The following RIT2 variants were observed in gnomAD, a reference collection of about 807,000 sequenced individuals.
The protein encoded by RIT2 is GTP-binding protein Rit2.
Under a neutral mutation model 23.7 loss-of-function variants are expected in RIT2, and 24 were observed. The ratio of observed to expected loss-of-function variants is 1.01; its 90% CI spans 0.73 to 1.43. RIT2 has a LOEUF of 1.43. RIT2 is among the 40% of genes most tolerant of loss of function. The probability of loss-of-function intolerance (pLI) is 0.00; values close to 1 mark genes in which losing one functional copy is unlikely to be tolerated. For missense variants in RIT2, 236 were observed against 266.9 expected, an observed-to-expected ratio of 0.88 and a Z score of 0.81; for synonymous variants, 107 against 91.1, an observed-to-expected ratio of 1.17 and a Z score of -0.99.
In RIT2 at chr18:42,933,071, T is replaced by C. The variant is rs575050878; in HGVS notation, c.235-9308A>G. Reference sequence around the variant, plus strand: ...GTGTTTAACACTTATGTTGCACTTATATTGCTTGGTAGATTTTTAACATTA... The same window carrying C: ...GTGTTTAACACTTATGTTGCACTTACATTGCTTGGTAGATTTTTAACATTA... On this transcript the variant is annotated intron_variant, in intron 3 of 4. Transcript: ENST00000326695. 2.2e-4 allele frequency among the ~76,000 whole-genome samples: 34 copies of C among 152,288 alleles called. 1 individual carries two copies. The South Asian group carries it at 6.0e-3, about 27-fold the overall frequency.
intron 4 of RIT2, among the ~76,000 whole-genome samples, chr18:42,806,730 G>A (rs1360238714): frequency 6.6e-6 from 1 of 152,204 alleles, no homozygotes; most frequent in Non-Finnish European, 1.5e-5. Context: ...CACTTTGAGT[G>A]TAACTATTCT....
chr18:42,790,620 G>A (rs962547501), intron 4 of RIT2, among the ~76,000 whole-genome samples: 2 of 152,028 alleles, frequency 1.3e-5, no homozygotes, highest in South Asian at 2.1e-4. Flanking sequence ...GTAGAGATGG[G>A]GTTTCACCAT....
At chr18:42,831,010 C>A (rs530272530) in intron 4 of RIT2, among the ~76,000 whole-genome samples, 1 of 152,132 alleles carries the variant, frequency 6.6e-6, no homozygotes, top group Non-Finnish European at 1.5e-5. Flanking sequence ...ACTGAAAGTG[C>A]TTTTTCTTAT....
intron 4 of RIT2, among the ~76,000 whole-genome samples, chr18:42,862,920 A>G (rs1050268990): frequency 1.3e-5 from 2 of 152,166 alleles, no homozygotes; most frequent in African/African-American, 4.8e-5. Flanking sequence ...ACTGTTGCCT[A>G]TGATTAGGTA....
At chr18:42,829,680 A>G (rs1478226724) in intron 4 of RIT2, among the ~76,000 whole-genome samples, 1 of 152,196 alleles carries the variant, frequency 6.6e-6, no homozygotes, top group African/African-American at 2.4e-5. Context: ...ATCAAACTCA[A>G]AGAAACTTAA....
chr18:43,064,271 T>C (rs1012975209), intron 1 of RIT2, among the ~76,000 whole-genome samples: 1 of 152,156 alleles, frequency 6.6e-6, no homozygotes, highest in Non-Finnish European at 1.5e-5. Context: ...TAACAGAATA[T>C]ATAATACACT....
At chr18:43,044,104 T>C (rs1407181704) in intron 1 of RIT2, among the ~76,000 whole-genome samples, 3 of 152,088 alleles carry the variant, frequency 2.0e-5, no homozygotes, top group African/African-American at 7.2e-5. Context: ...ATAGGATCTT[T>C]TTAAAGTCAA....
intron 4 of RIT2, among the ~76,000 whole-genome samples, chr18:42,761,532 A>T (rs604330): frequency 0.67 from 101,062 of 151,520 alleles, 36,632 homozygotes; most frequent in Middle Eastern, 0.83. Flanking sequence ...CCCTATTTCC[A>T]AATATTAACT....
chr18:42,803,357 C>T (rs1478049915), intron 4 of RIT2, among the ~76,000 whole-genome samples: 2 of 152,140 alleles, frequency 1.3e-5, no homozygotes, highest in African/African-American at 4.8e-5. Context: ...GTTATTCTGA[C>T]CACTTAGAGA....
chr18:42,975,018 G>A (rs1187470338), intron 2 of RIT2, among the ~76,000 whole-genome samples: 1 of 151,900 alleles, frequency 6.6e-6, no homozygotes, highest in Non-Finnish European at 1.5e-5. Flanking sequence ...CTGTTTTTTT[G>A]TTATTTGAGA....
chr18:42,885,595 T>A (rs902445691), intron 4 of RIT2, among the ~76,000 whole-genome samples: 13 of 151,600 alleles, frequency 8.6e-5, no homozygotes, highest in South Asian at 2.1e-4. Flanking sequence ...CAAAAAAAAA[T>A]AATAATAATA....
intron 2 of RIT2, among the ~76,000 whole-genome samples, chr18:43,003,193 A>C (rs562625647): frequency 6.6e-6 from 1 of 151,978 alleles, no homozygotes; most frequent in Admixed American, 6.6e-5. Context: ...GTTATAAGTC[A>C]TTATGTTCCT....
At chr18:43,059,938 A>G (rs1362367612) in intron 1 of RIT2, among the ~76,000 whole-genome samples, 1 of 152,168 alleles carries the variant, frequency 6.6e-6, no homozygotes, top group Non-Finnish European at 1.5e-5. Context: ...AACAAGTGGT[A>G]AGTAACCCCA....
intron 4 of RIT2, among the ~76,000 whole-genome samples, chr18:42,745,379 T>C (rs965077780): frequency 1.3e-5 from 2 of 152,280 alleles, no homozygotes; most frequent in East Asian, 3.9e-4. Context: ...ACACATCATA[T>C]GGTTAATAAG....
rs535041154 is a variant in RIT2 at position 43,027,038 on chromosome 18, G to A, written c.160+6773C>T. On this transcript the variant is annotated intron_variant, in intron 2 of 4. Coordinates refer to ENST00000326695, the MANE Select transcript of RIT2 (RefSeq NM_002930.4). The stretch of plus-strand genomic sequence containing the variant: ...GAGTATGATATGTTGTATGCCAAGT[G>A]AAAAAAGTGGATGAAATCCAAGAGT... 2.0e-5 allele frequency among the ~76,000 whole-genome samples: 3 copies of A among 152,062 alleles called. No homozygotes were observed. The East Asian group carries it at 5.8e-4, about 29-fold the overall frequency.
intron 1 of RIT2, among the ~76,000 whole-genome samples, chr18:43,067,012 A>G (rs751571175): frequency 6.6e-6 from 1 of 151,850 alleles, no homozygotes; most frequent in African/African-American, 2.4e-5. Flanking sequence ...AAGACATGAC[A>G]TAGTTGACTT....
At chr18:42,970,810 C>T (rs1910344923) in intron 3 of RIT2, among the ~76,000 whole-genome samples, 1 of 151,616 alleles carries the variant, frequency 6.6e-6, no homozygotes, top group African/African-American at 2.4e-5. Flanking sequence ...ACATTTTTTC[C>T]TGGGTCTTTG....
intron 4 of RIT2, among the ~76,000 whole-genome samples, chr18:42,889,511 T>C (rs1213964407): frequency 6.6e-6 from 1 of 152,126 alleles, no homozygotes; most frequent in Non-Finnish European, 1.5e-5. Flanking sequence ...TCTTGACATT[T>C]CTGTCATGGT....
intron 2 of RIT2, among the ~76,000 whole-genome samples, chr18:43,002,839 A>G (rs1251800486): frequency 6.6e-6 from 1 of 151,952 alleles, no homozygotes. Context: ...TAATGTTGTT[A>G]ATCAGCTGAA....
Sources: gnomAD v4.1 joint callset for allele counts (sites outside exome capture counted in the v4.1 genomes callset) on GRCh38, gnomAD v4.1.1 for gene constraint, MANE v1.5 for transcripts, NCBI Gene and HGNC (gene_info 2026-07-23, HGNC 2026-07-21) for gene names.